Variants in ADAMTS3 observed in about 807,000 individuals in gnomAD.
The protein encoded by ADAMTS3 is A disintegrin and metalloproteinase with thrombospondin motifs 3.
A neutral mutation model predicts 129.0 loss-of-function variants in ADAMTS3; 73 were observed. The observed-to-expected ratio is 0.57, with a 90% CI of 0.47 to 0.69. The LOEUF (loss-of-function observed/expected upper bound fraction) is 0.69, where lower values mean the gene tolerates loss of function less well. Ranked by LOEUF, ADAMTS3 falls within the 30% of genes least tolerant of loss-of-function variation. ADAMTS3 has a pLI of 0.00. For missense variants in ADAMTS3, 1,457 were observed against 1,514.5 expected (o/e 0.96, Z 0.63); for synonymous variants, 477 against 510.8 (o/e 0.93, Z 0.89).
intron 3 of ADAMTS3, among the ~76,000 whole-genome samples, chr4:72,502,564 G>C (rs935813067): frequency 8.6e-5 from 13 of 151,996 alleles, no homozygotes; most frequent in South Asian, 6.2e-4. Context: ...GCCTACTTCT[G>C]GTTGCTTTGA....
chr4:72,522,638 T>C (rs1385990296), intron 3 of ADAMTS3, among the ~76,000 whole-genome samples: 1 of 152,176 alleles, frequency 6.6e-6, no homozygotes, highest in Non-Finnish European at 1.5e-5. Flanking sequence ...AGCGTGACTA[T>C]GCTTACCATC....
At chr4:72,354,451 T>G (rs570010341) in intron 4 of ADAMTS3, among the ~76,000 whole-genome samples, 2 of 152,142 alleles carry the variant, frequency 1.3e-5, no homozygotes, top group East Asian at 3.9e-4. Flanking sequence ...AACCCTACTT[T>G]TCATTCCTCT....
chr4:72,479,670 C>T (rs1273587539), intron 3 of ADAMTS3, among the ~76,000 whole-genome samples: 1 of 152,068 alleles, frequency 6.6e-6, no homozygotes, highest in African/African-American at 2.4e-5. Context: ...AAAGCAATGG[C>T]AACAAAAGAC....
intron 3 of ADAMTS3, among the ~76,000 whole-genome samples, chr4:72,475,060 T>C (rs997098101): frequency 4.0e-5 from 6 of 151,104 alleles, no homozygotes; most frequent in Admixed American, 1.3e-4. Context: ...CTAAAAATGT[T>C]TGCATAATCT....
At chr4:72,422,359 G>A (rs1040018390) in intron 3 of ADAMTS3, among the ~76,000 whole-genome samples, 6 of 151,866 alleles carry the variant, frequency 4.0e-5, no homozygotes, top group Non-Finnish European at 8.8e-5. Context: ...ATTGATATAT[G>A]CAGAGATTCT....
intron 3 of ADAMTS3, among the ~76,000 whole-genome samples, chr4:72,524,828 C>T (rs578119498): frequency 1.6e-4 from 24 of 152,148 alleles, no homozygotes; most frequent in African/African-American, 5.3e-4. Flanking sequence ...ATTGCCAAAC[C>T]AAATATTTGA....
chr4:72,302,188 A>T (rs2109786168), intron 17 of ADAMTS3, among the ~76,000 whole-genome samples: 1 of 152,268 alleles, frequency 6.6e-6, no homozygotes, highest in South Asian at 2.1e-4. Context: ...ACAAGAAAAA[A>T]AGAAGCAGGA....
intron 3 of ADAMTS3, 117 bp from the exon 4 acceptor site, chr4:72,415,088 C>T (rs1722272180): frequency 1.5e-6 from 1 of 653,596 alleles, no homozygotes. Context: ...CTTTTTCTTT[C>T]CACATTTGGC....
chr4:72,537,962 A>T (rs1336955251), intron 3 of ADAMTS3, among the ~76,000 whole-genome samples: 1 of 152,200 alleles, frequency 6.6e-6, no homozygotes, highest in African/African-American at 2.4e-5. Flanking sequence ...AAAGAAACCA[A>T]AAAGAAAGTC....
intron 3 of ADAMTS3, among the ~76,000 whole-genome samples, chr4:72,535,292 A>G (rs1318398300): frequency 1.3e-5 from 2 of 152,234 alleles, no homozygotes; most frequent in Non-Finnish European, 2.9e-5. Flanking sequence ...TGATAATGCT[A>G]AATGAAATGT....
In ADAMTS3 at chr4:72,373,193, A is replaced by C. The variant is rs896755778; in HGVS notation, c.662-33500T>G. 6.6e-5 allele frequency among the ~76,000 whole-genome samples: 10 copies of C among 152,200 alleles called. 1 individual carries two copies. The highest frequency in any genetic ancestry group is 5.2e-4 in the Admixed American group (8 of 15,280). On this transcript the variant is annotated intron_variant, in intron 4 of 21. Coordinates refer to ENST00000286657, the MANE Select transcript of ADAMTS3 (RefSeq NM_014243.3). ...TTGAACAACTTACACCGCATATATC[A>C]AAAGCTACCATAAAGCTAAAATAGT...
intron 21 of ADAMTS3, 73 bp downstream of exon 21, chr4:72,288,678 C>G (rs1578552711): frequency 1.1e-6 from 1 of 951,248 alleles, no homozygotes; most frequent in East Asian, 2.4e-5. Flanking sequence ...TCTATAACTT[C>G]TCTCAAAAGG....
intron 3 of ADAMTS3, among the ~76,000 whole-genome samples, chr4:72,526,830 A>T (rs1373548087): frequency 6.8e-6 from 1 of 146,720 alleles, no homozygotes. Context: ...CTATGTTTCA[A>T]TCCAAGCTGC....
chr4:72,545,730 G>A (rs1350291763), intron 3 of ADAMTS3, among the ~76,000 whole-genome samples: 1 of 152,036 alleles, frequency 6.6e-6, no homozygotes, highest in Non-Finnish European at 1.5e-5. Flanking sequence ...CACCTTCTGT[G>A]GACATCTTCC....
chr4:72,450,220 T>C (rs2109968967), intron 3 of ADAMTS3, among the ~76,000 whole-genome samples: 1 of 151,890 alleles, frequency 6.6e-6, no homozygotes, highest in African/African-American at 2.4e-5. Flanking sequence ...ACAAAACTGA[T>C]AGAACACCTT....
chr4:72,534,160 T>C (rs1560556368), intron 3 of ADAMTS3, among the ~76,000 whole-genome samples: 1 of 152,116 alleles, frequency 6.6e-6, no homozygotes, highest in African/African-American at 2.4e-5. Flanking sequence ...AACCCGTCTC[T>C]ACTAAAAATA....
intron 3 of ADAMTS3, among the ~76,000 whole-genome samples, chr4:72,472,892 G>GT (rs1333287773): frequency 6.6e-6 from 1 of 152,076 alleles, no homozygotes; most frequent in Non-Finnish European, 1.5e-5. Context: ...TGCCTCAAAC[G>GT]TAACTGTAAT....
chr4:72,475,035 A>G (rs1243278466), intron 3 of ADAMTS3, among the ~76,000 whole-genome samples: 3 of 151,948 alleles, frequency 2.0e-5, no homozygotes, highest in Non-Finnish European at 4.4e-5. Flanking sequence ...TAAAAAAAAA[A>G]AAGAAAAAAG....
rs1722096981 is a variant in ADAMTS3, at chr4:72,569,051, A to AG, written c.-290dup. 6.2e-6 allele frequency: 3 copies of AG among 485,858 alleles called. No individual in the cohort carries two copies. Among genetic ancestry groups the AG allele is most frequent in the Non-Finnish European group, 1.1e-5 (3 of 273,104 alleles). 30.1% of individuals were successfully genotyped at this position (485,858 alleles called of 1,614,324 possible). A position where few individuals can be genotyped will look rare whatever the true frequency, so the allele number is the denominator to read the frequency against. Reference sequence around the variant, plus strand: ...AGCGGGCACAGGCTAAGCCTGGGAGAGGGGGAAGGGACGAGGGGCTTTCCA... The same window carrying AG: ...AGCGGGCACAGGCTAAGCCTGGGAGAGGGGGGAAGGGACGAGGGGCTTTCCA... On this transcript the variant is annotated 5_prime_UTR_variant, in exon 1 of 22. Transcript: ENST00000286657.
Sources: gnomAD v4.1 joint callset for allele counts (sites outside exome capture counted in the v4.1 genomes callset) on GRCh38, gnomAD v4.1.1 for gene constraint, MANE v1.5 for transcripts, NCBI Gene and HGNC (gene_info 2026-07-23, HGNC 2026-07-21) for gene names.